The following XRRA1 variants were observed in gnomAD, a reference collection of about 807,000 sequenced individuals.
XRRA1 encodes X-ray radiation resistance associated 1.
Under a neutral mutation model 80.2 loss-of-function variants are expected in XRRA1, and 69 were observed. That is an observed-to-expected ratio of 0.86 (90% CI 0.71 to 1.05). The LOEUF is 1.05. Among genes scored for constraint, XRRA1 ranks in the 50% least tolerant of loss-of-function variants. The pLI, the probability that XRRA1 is intolerant of heterozygous loss-of-function variation, is 0.00. For missense variants in XRRA1, 967 were observed against 976.4 expected (o/e 0.99, Z 0.13); for synonymous variants, 348 against 389.9 (o/e 0.89, Z 1.27).
intron 10 of XRRA1, among the ~76,000 whole-genome samples, chr11:74,883,744 C>T (rs2048325193): frequency 6.6e-6 from 1 of 152,112 alleles, no homozygotes; most frequent in African/African-American, 2.4e-5. Context: ...CAGGAAGTAG[C>T]CAGAAAGAGT....
Position 74,901,174 on chromosome 11 carries a change from G to T in XRRA1, c.1003+5065C>A, listed in dbSNP as rs186920901. On this transcript the variant is annotated intron_variant, in intron 10 of 18. Coordinates refer to ENST00000684022, the MANE Select transcript of XRRA1 (RefSeq NM_001378157.1). ...TGCCAACAGTGAACAATCTGAAAAA[G>T]AAATAAAAAAGGAATCCCATTTACA... is the stretch of plus-strand genomic sequence containing the variant. 7.9e-5 allele frequency among the ~76,000 whole-genome samples: 12 copies of T among 151,796 alleles called. No individual in the cohort carries two copies. The East Asian group carries it at 2.3e-3, about 29-fold the overall frequency.
chr11:74,875,142 A>T (rs1395514135), intron 10 of XRRA1, among the ~76,000 whole-genome samples: 1 of 152,220 alleles, frequency 6.6e-6, no homozygotes. Flanking sequence ...GAAATTAACA[A>T]GTTATTATCC....
At position 74,890,777 on chromosome 11, in the gene XRRA1, C is replaced by G. The variant is rs1036651723; in HGVS notation, c.1003+15462G>C. 5.1e-4 allele frequency among the ~76,000 whole-genome samples: 78 copies of G among 152,320 alleles called. 1 individual carries two copies. The highest frequency in any genetic ancestry group is 1.8e-3 in the African/African-American group (74 of 41,578). On this transcript the variant is annotated intron_variant, in intron 10 of 18. Transcript: ENST00000684022. ...CCATCAGAGAATACTATAAACACCT[C>G]TATGCAAATAAACTAGAAAATCTAG...
intron 6 of XRRA1, 79 bp downstream of exon 6, chr11:74,930,221 G>T: frequency 1.6e-6 from 2 of 1,218,854 alleles, no homozygotes; most frequent in Non-Finnish European, 2.3e-6. Context: ...TAGATGGTTG[G>T]ACAGACAAAT....
intron 7 of XRRA1, among the ~76,000 whole-genome samples, chr11:74,925,463 T>G (rs187134820): frequency 5.9e-5 from 9 of 152,304 alleles, no homozygotes; most frequent in African/African-American, 2.2e-4. Flanking sequence ...AATATTACAT[T>G]ACTGTGAGCT....
rs761181365 is a variant in XRRA1, at chr11:74,933,801, C to T, written c.351G>A (p.Lys117=). The change falls in exon 5 of 19, where the codon AAG becomes AAA. Residue 117 remains lysine (K), a splice_region_variant and synonymous_variant. Transcript: ENST00000684022. ...TCACATCTTTGCTGGCTGACCTCAC[C>T]TTGGAGAACTTCAGGCCACTCACAT... The part of the protein sequence containing the change: ...TINVSGLKFS[K]AKENDFKHFH... 1 of 1,589,574 alleles carries T rather than the reference C, an allele frequency of 6.3e-7. No individual in the cohort carries two copies. The highest frequency in any genetic ancestry group is 1.2e-5 in the South Asian group (1 of 86,604).
chr11:74,856,055 C>A (rs2041015071), intron 12 of XRRA1, among the ~76,000 whole-genome samples: 1 of 152,132 alleles, frequency 6.6e-6, no homozygotes, highest in South Asian at 2.1e-4. Flanking sequence ...TTGCTTGAAC[C>A]CGGGAGGTGG....
intron 12 of XRRA1, among the ~76,000 whole-genome samples, chr11:74,854,108 C>A (rs904335370): frequency 1.5e-4 from 23 of 152,098 alleles, no homozygotes; most frequent in African/African-American, 5.3e-4. Context: ...AAAGAACATA[C>A]AATTTGAAGA....
chr11:74,948,247 T>C (rs1202386276), intron 1 of XRRA1, among the ~76,000 whole-genome samples: 1 of 152,092 alleles, frequency 6.6e-6, no homozygotes, highest in East Asian at 1.9e-4. Flanking sequence ...CATGGAGTAG[T>C]AGTTCCACCA....
chr11:74,948,677 G>C (rs1948154541), intron 1 of XRRA1, among the ~76,000 whole-genome samples: 1 of 152,186 alleles, frequency 6.6e-6, no homozygotes, highest in Non-Finnish European at 1.5e-5. Context: ...GTGGGACTCA[G>C]TGAGAGAGAG....
intron 10 of XRRA1, among the ~76,000 whole-genome samples, chr11:74,892,852 T>G (rs1451257492): frequency 0.011 from 1,411 of 126,160 alleles, no homozygotes; most frequent in African/African-American, 0.019. Flanking sequence ...AAAACCACAA[T>G]GAGATACCAT....
intron 10 of XRRA1, among the ~76,000 whole-genome samples, chr11:74,877,430 GTACTCCCACTAATAA>G (rs2046298234): frequency 6.6e-6 from 1 of 152,026 alleles, no homozygotes; most frequent in South Asian, 2.1e-4. Context: ...ATAGCCTATA[GTACTCCCACTAATAA>G]TGGGATTCTT....
chr11:74,856,030 G>A (rs7125885), intron 12 of XRRA1, among the ~76,000 whole-genome samples: 3,652 of 152,256 alleles, frequency 0.024, 123 homozygotes, highest in African/African-American at 0.084. Flanking sequence ...TACTTGGGAG[G>A]CTGAGGCAGG....
At position 74,844,223 on chromosome 11, in the gene XRRA1, G is replaced by T. The variant is rs767357091; in HGVS notation, c.1988C>A (p.Ser663Tyr). 2 of 1,613,728 alleles carry T rather than the reference G, an allele frequency of 1.2e-6. No homozygotes were observed. Among genetic ancestry groups the T allele is most frequent in the African/African-American group, 2.7e-5 (2 of 74,910 alleles). Reference sequence around the variant, plus strand: ...AAGAGTGTCCAGCTTGGGCTTGGAGGAGTGGCACAGGAGTGGGTGCTTCAG... The same window carrying T: ...AAGAGTGTCCAGCTTGGGCTTGGAGTAGTGGCACAGGAGTGGGTGCTTCAG... ...QMLKHPLLCH[S>Y]SKPKLDTLQK... Residue 663 changes from serine (S) to tyrosine (Y), a missense_variant, in exon 17 of 19, where the codon TCC becomes TAC. Transcript: ENST00000684022.
intron 3 of XRRA1, among the ~76,000 whole-genome samples, 192 bp downstream of exon 3, chr11:74,940,593 C>T (rs1946128660): frequency 6.6e-6 from 1 of 152,178 alleles, no homozygotes; most frequent in Admixed American, 6.5e-5. Context: ...TGAGAAGTCA[C>T]TGAACAGAAG....
intron 8 of XRRA1, 95 bp downstream of exon 8, chr11:74,921,119 C>G (rs1591431697): frequency 1.3e-6 from 2 of 1,507,450 alleles, no homozygotes; most frequent in Non-Finnish European, 1.8e-6. Context: ...TGAGCACTTA[C>G]AGCCTATCTT....
intron 10 of XRRA1, among the ~76,000 whole-genome samples, chr11:74,882,830 AG>A (rs1435278263): frequency 6.6e-6 from 1 of 152,158 alleles, no homozygotes; most frequent in Non-Finnish European, 1.5e-5. Context: ...CTTGGGGGTC[AG>A]GGGTCAGGGA....
intron 10 of XRRA1, among the ~76,000 whole-genome samples, chr11:74,880,823 G>A (rs1472481317): frequency 6.6e-6 from 1 of 151,686 alleles, no homozygotes; most frequent in Admixed American, 6.6e-5. Flanking sequence ...TGTGGTCTGA[G>A]AGATAGTTTG....
chr11:74,878,129 T>A (rs2046527543), intron 10 of XRRA1, among the ~76,000 whole-genome samples: 1 of 151,564 alleles, frequency 6.6e-6, no homozygotes, highest in Admixed American at 6.6e-5. Context: ...CACCTGTTGT[T>A]TCCTGACTTT....
Sources: allele counts gnomAD v4.1 joint callset (sites outside exome capture counted in the v4.1 genomes callset), GRCh38; gene constraint gnomAD v4.1.1; transcripts MANE v1.5; gene names NCBI Gene and HGNC (gene_info 2026-07-23, HGNC 2026-07-21).